The following BRD7 variants were observed in gnomAD, a reference collection of about 807,000 sequenced individuals.
BRD7 encodes bromodomain-containing protein 7.
BRD7 carries 15 observed loss-of-function variants against 82.1 expected under a neutral mutation model. The ratio of observed to expected loss-of-function variants is 0.18; its 90% CI spans 0.12 to 0.28. The LOEUF (loss-of-function observed/expected upper bound fraction) is 0.28. Ranked by LOEUF, BRD7 falls within the 10% of genes least tolerant of loss-of-function variation. The probability of loss-of-function intolerance (pLI) is 1.00; values close to 1 mark genes in which losing one functional copy is unlikely to be tolerated. For missense variants in BRD7, 638 were observed against 779.9 expected, an observed-to-expected ratio of 0.82 and a Z score of 2.17; for synonymous variants, 232 against 266.9, an observed-to-expected ratio of 0.87 and a Z score of 1.27.
At chr16:50,321,810 G>A (rs560868036) in intron 13 of BRD7, among the ~76,000 whole-genome samples, 172 bp downstream of exon 13, 2 of 152,210 alleles carry the variant, frequency 1.3e-5, no homozygotes, top group South Asian at 4.2e-4. Flanking sequence ...CTGTATAATT[G>A]TGCAACTTGG....
chr16:50,351,157 G>A (rs2038506508), intron 4 of BRD7, among the ~76,000 whole-genome samples: 1 of 152,162 alleles, frequency 6.6e-6, no homozygotes, highest in Admixed American at 6.5e-5. Flanking sequence ...GCTAGTCCCA[G>A]TGGTAGGCAC....
At chr16:50,349,609 C>T in intron 5 of BRD7, 1 of 470,940 alleles carries the variant, frequency 2.1e-6, no homozygotes, top group South Asian at 1.5e-5. Context: ...ATAAATTACC[C>T]AGTCTCAGGC....
Position 50,318,357 on chromosome 16 carries a change from G to C in BRD7, c.*854C>G, listed in dbSNP as rs2036915537. On this transcript the variant is annotated 3_prime_UTR_variant, in exon 17 of 17. Coordinates refer to ENST00000394688, the MANE Select transcript of BRD7 (RefSeq NM_013263.5). ...TTCCTGCCTGGGTGATTTATAGAAG[G>C]ATTGTATAAGGGCCTTCAAACTTAA... is the stretch of plus-strand genomic sequence containing the variant. The C allele has an allele frequency of 2.0e-5, 3 of 152,186 alleles. No individual in the cohort carries two copies. The highest frequency in any genetic ancestry group is 1.3e-4 in the Admixed American group (2 of 15,276). 9.4% of individuals were successfully genotyped at this position (152,186 alleles called of 1,614,324 possible).
chr16:50,355,610 G>A (rs189586151), intron 2 of BRD7, among the ~76,000 whole-genome samples: 1 of 152,266 alleles, frequency 6.6e-6, no homozygotes, highest in East Asian at 1.9e-4. Flanking sequence ...AATGACAAAA[G>A]GGTGGTGCTG....
chr16:50,368,537 G>A (rs1300411509), intron 1 of BRD7, 189 bp downstream of exon 1: 3 of 711,394 alleles, frequency 4.2e-6, no homozygotes, highest in African/African-American at 1.9e-5. Flanking sequence ...ACCGGACCAG[G>A]GGGACCCGGG....
chr16:50,327,736 C>T (rs1239791360), intron 9 of BRD7, among the ~76,000 whole-genome samples: 1 of 152,126 alleles, frequency 6.6e-6, no homozygotes, highest in African/African-American at 2.4e-5. Flanking sequence ...TGTTCTTTTC[C>T]TTTGTAGTAT....
chr16:50,322,077 A>T, intron 12 of BRD7, 39 bp from the exon 13 acceptor site: 1 of 1,499,910 alleles, frequency 6.7e-7, no homozygotes, highest in Non-Finnish European at 9.1e-7. Context: ...AGGAAAACAC[A>T]TGAAGGCGAA....
intron 8 of BRD7, among the ~76,000 whole-genome samples, chr16:50,329,145 C>T (rs1311741520): frequency 6.6e-6 from 1 of 152,112 alleles, no homozygotes. Context: ...CTTATTTTAA[C>T]CAAACTAATA....
intron 9 of BRD7, 22 bp from the exon 10 acceptor site, chr16:50,326,413 A>G (rs1272122607): frequency 2.0e-6 from 3 of 1,504,576 alleles, no homozygotes; most frequent in African/African-American, 2.8e-5. Flanking sequence ...AACAGAGCAC[A>G]GTGAAGGAGG....
chr16:50,356,501 C>A (rs369757577), intron 2 of BRD7, among the ~76,000 whole-genome samples: 1 of 152,056 alleles, frequency 6.6e-6, no homozygotes, highest in African/African-American at 2.4e-5. Context: ...GAAACAATGT[C>A]TGAAGAAAAG....
At position 50,316,972 on chromosome 16, in the gene BRD7, T is replaced by G. The variant is rs1064448; in HGVS notation, c.*2239A>C. 57,833 of 152,646 alleles carry G rather than the reference T, an allele frequency of 0.38. 12,720 individuals are homozygous for G. The highest frequency in any genetic ancestry group is 0.54 in the Middle Eastern group (159 of 294). The allele number at this position is 152,646 out of a possible 1,614,324, so 9.5% of individuals were successfully genotyped here. A position where few individuals can be genotyped will look rare whatever the true frequency, so the allele number is the denominator to read the frequency against. On this transcript the variant is annotated 3_prime_UTR_variant, in exon 17 of 17. Coordinates refer to ENST00000394688, the MANE Select transcript of BRD7 (RefSeq NM_013263.5). ...CCTTTACAAGATGATTATACAGGGTTGCAGATTGGGTGACTGACCAGACTT... is the reference window on the plus strand; with the variant it reads ...CCTTTACAAGATGATTATACAGGGTGGCAGATTGGGTGACTGACCAGACTT...
chr16:50,330,975 T>C (rs2037540261), intron 8 of BRD7, among the ~76,000 whole-genome samples: 1 of 152,126 alleles, frequency 6.6e-6, no homozygotes, highest in Non-Finnish European at 1.5e-5. Flanking sequence ...GAAAAATGTA[T>C]TTTTGGTAAA....
At chr16:50,351,737 G>T (rs1325858768) in intron 4 of BRD7, among the ~76,000 whole-genome samples, 1 of 152,052 alleles carries the variant, frequency 6.6e-6, no homozygotes, top group African/African-American at 2.4e-5. Context: ...GTTTCTAATT[G>T]ACATATAATA....
chr16:50,340,180 A>G (rs1005527650), intron 5 of BRD7, 94 bp from the exon 6 acceptor site: 4 of 572,632 alleles, frequency 7.0e-6, no homozygotes, highest in South Asian at 5.9e-5. Context: ...CTAAAAATTT[A>G]AAAAGCAACA....
intron 7 of BRD7, among the ~76,000 whole-genome samples, chr16:50,333,964 T>C (rs553568134): frequency 6.6e-6 from 1 of 152,242 alleles, no homozygotes; most frequent in Admixed American, 6.5e-5. Context: ...AAAAAATTAG[T>C]TCTACCTCAA....
chr16:50,360,320 C>A, intron 2 of BRD7, among the ~76,000 whole-genome samples: 1 of 152,180 alleles, frequency 6.6e-6, no homozygotes, highest in East Asian at 1.9e-4. Context: ...AAGTACTGTC[C>A]TTCAGGTTGG....
chr16:50,366,539 T>G (rs1030166508), intron 2 of BRD7, among the ~76,000 whole-genome samples: 2 of 152,232 alleles, frequency 1.3e-5, no homozygotes, highest in Non-Finnish European at 2.9e-5. Flanking sequence ...TACAATCACT[T>G]TAATATTGAT....
intron 5 of BRD7, among the ~76,000 whole-genome samples, chr16:50,348,780 G>A (rs1303183944): frequency 6.6e-6 from 1 of 152,208 alleles, no homozygotes; most frequent in Non-Finnish European, 1.5e-5. Context: ...AGGATGTGGA[G>A]AAACAGGAAC....
chr16:50,367,475 C>T (rs1212010518), intron 2 of BRD7, among the ~76,000 whole-genome samples: 2 of 152,192 alleles, frequency 1.3e-5, no homozygotes, highest in Non-Finnish European at 2.9e-5. Flanking sequence ...CCTCCCACCT[C>T]GGCATTCCAA....
Sources: gnomAD v4.1 joint callset for allele counts (sites outside exome capture counted in the v4.1 genomes callset) on GRCh38, gnomAD v4.1.1 for gene constraint, MANE v1.5 for transcripts, NCBI Gene and HGNC (gene_info 2026-07-23, HGNC 2026-07-21) for gene names.